Variants in ZFYVE16 observed in about 807,000 individuals in gnomAD.
The protein encoded by ZFYVE16 is zinc finger FYVE domain-containing protein 16.
A neutral mutation model predicts 138.1 loss-of-function variants in ZFYVE16; 89 were observed. That is an observed-to-expected ratio of 0.64 (90% CI 0.54 to 0.77). The LOEUF (loss-of-function observed/expected upper bound fraction) is 0.77, where lower values mean the gene tolerates loss of function less well. Among genes scored for constraint, ZFYVE16 ranks in the 30% least tolerant of loss-of-function variants. The pLI is 0.00. For synonymous variants in ZFYVE16, 596 were observed against 618.3 expected, an observed-to-expected ratio of 0.96 and a Z score of 0.53; for missense variants, 1,793 against 1,786.7, an observed-to-expected ratio of 1.00 and a Z score of -0.06.
intron 1 of ZFYVE16, among the ~76,000 whole-genome samples, chr5:80,421,970 G>A (rs1202054396): frequency 2.0e-5 from 3 of 152,174 alleles, no homozygotes; most frequent in Non-Finnish European, 2.9e-5. Flanking sequence ...CTTTTATTTT[G>A]TTAAGCAGTG....
intron 14 of ZFYVE16, among the ~76,000 whole-genome samples, chr5:80,458,926 ATTATT>A (rs1752810000): frequency 1.3e-5 from 2 of 152,170 alleles, no homozygotes; most frequent in African/African-American, 4.8e-5. Context: ...AAAACATTAA[ATTATT>A]TTATTATTTA....
chr5:80,472,693 A>C (rs1754503479), intron 15 of ZFYVE16, 68 bp from the exon 16 acceptor site: 1 of 1,447,380 alleles, frequency 6.9e-7, no homozygotes, highest in Non-Finnish European at 9.3e-7. Context: ...TTTGATAGCA[A>C]ATTTTATGGC....
At chr5:80,465,396 C>CTTTTTTTTTT (rs1187412933) in intron 15 of ZFYVE16, among the ~76,000 whole-genome samples, 40 of 26,380 alleles carry the variant, frequency 1.5e-3, no homozygotes, top group Admixed American at 3.5e-3. Context: ...TTTTCCTTTT[C>CTTTTTTTTTT]TTTGTTTTTT....
intron 7 of ZFYVE16, among the ~76,000 whole-genome samples, chr5:80,446,276 T>C (rs1378456352): frequency 6.6e-6 from 1 of 152,154 alleles, no homozygotes; most frequent in Admixed American, 6.5e-5. Flanking sequence ...ATACTCTTAT[T>C]GAGAACCCTA....
chr5:80,477,276 C>T lies in ZFYVE16; in HGVS notation c.4519C>T (p.Leu1507Phe). Residue 1507 changes from leucine (L) to phenylalanine (F), a missense_variant, in exon 19 of 19, where the codon CTT becomes TTT. Physicochemically the swap from Leu to Phe is conservative, Grantham distance 22. Around this residue, in one of 2 missense-constraint regions of ZFYVE16, gnomAD observed 498 missense variants for 582.4 expected, o/e 0.86. Transcript: ENST00000505560. ...TCTGCCTCAGCATTATCTAAATGAT[C>T]TTGATAGTGCTCTGATACCTGTGAT... ...QLLPQHYLND[L>F]DSALIPVIHG... 3 of 1,607,774 alleles carry T rather than the reference C, an allele frequency of 1.9e-6. No homozygotes were observed. The highest frequency in any genetic ancestry group is 2.5e-6 in the Non-Finnish European group (3 of 1,178,122).
At chr5:80,461,555 G>T (rs1027154916) in intron 15 of ZFYVE16, among the ~76,000 whole-genome samples, 1 of 152,170 alleles carries the variant, frequency 6.6e-6, no homozygotes, top group Non-Finnish European at 1.5e-5. Flanking sequence ...CAATTCTAGA[G>T]GCTAGAAGTC....
chr5:80,457,190 ATTG>A, intron 14 of ZFYVE16, 98 bp downstream of exon 14: 1 of 1,450,016 alleles, frequency 6.9e-7, no homozygotes, highest in South Asian at 1.4e-5. Flanking sequence ...TATTTGCTGA[ATTG>A]TTGGTGATAA....
Position 80,438,978 on chromosome 5 carries a change from C to A in ZFYVE16, c.2293C>A (p.Arg765=), listed in dbSNP as rs868492243. Residue 765 remains arginine, a synonymous_variant, in exon 4 of 19, where the codon CGG becomes AGG. Transcript: ENST00000505560. ...CCAAGTCAAATTTACTTTTACCAAA[C>A]GGCGACACCATTGCCGAGCATGTGG... ...NCQVKFTFTK[R]RHHCRACGKV... 1.9e-6 allele frequency: 3 copies of A among 1,612,122 alleles called. No individual in the cohort carries two copies. The highest frequency in any genetic ancestry group is 1.3e-5 in the African/African-American group (1 of 74,816).
At chr5:80,439,115 TAA>T in intron 4 of ZFYVE16, 108 bp downstream of exon 4, 1 of 1,191,366 alleles carries the variant, frequency 8.4e-7, no homozygotes, top group Non-Finnish European at 1.1e-6. Context: ...TGAGTTAGTT[TAA>T]AATCAGTGTT....
chr5:80,459,303 G>A (rs1752858035), intron 14 of ZFYVE16, 111 bp from the exon 15 acceptor site: 1 of 695,372 alleles, frequency 1.4e-6, no homozygotes, highest in African/African-American at 1.8e-5. Flanking sequence ...TAAGTTGTGT[G>A]GGTATAACAT....
chr5:80,434,140 C>G lies in ZFYVE16; in HGVS notation c.-8C>G. 12 of 1,610,598 alleles carry G rather than the reference C, an allele frequency of 7.5e-6. No individual in the cohort carries two copies. The highest frequency in any genetic ancestry group is 7.6e-6 in the Non-Finnish European group (9 of 1,177,804). On this transcript the variant is annotated 5_prime_UTR_variant, in exon 3 of 19. Coordinates refer to ENST00000505560, the MANE Select transcript of ZFYVE16 (RefSeq NM_001284236.3). ...AAGAATTAAATTCTGAATAAGTCTGCAGGTAGGATGGACAGTTATTTTAAA... is the reference window on the plus strand; with the variant it reads ...AAGAATTAAATTCTGAATAAGTCTGGAGGTAGGATGGACAGTTATTTTAAA...
intron 15 of ZFYVE16, among the ~76,000 whole-genome samples, chr5:80,463,853 C>T (rs761728921): frequency 1.3e-5 from 2 of 152,136 alleles, no homozygotes; most frequent in Non-Finnish European, 2.9e-5. Flanking sequence ...TTCAAAGTTC[C>T]TCAGATCTCT....
chr5:80,432,716 C>CA (rs1201258523), intron 2 of ZFYVE16, among the ~76,000 whole-genome samples: 3 of 151,992 alleles, frequency 2.0e-5, no homozygotes, highest in African/African-American at 4.8e-5. Context: ...CCAGAATCTA[C>CA]AAAAAAACTC....
chr5:80,423,189 A>C (rs987670517), intron 1 of ZFYVE16, among the ~76,000 whole-genome samples: 12 of 152,062 alleles, frequency 7.9e-5, no homozygotes, highest in African/African-American at 2.9e-4. Flanking sequence ...TTAATTATTT[A>C]TTTAATTTTT....
chr5:80,436,951 C>A lies in ZFYVE16; in HGVS notation c.266C>A (p.Thr89Asn), dbSNP rs1209038826. ...SLNEKTLKGL[T>N]SIQNEKNVTG... is the part of the protein sequence containing the mutation. ...AATGAAAAAACACTCAAGGGACTTA[C>A]TTCTATACAAAATGAAAAAAATGTA... Residue 89 changes from threonine to asparagine, a missense_variant, in exon 4 of 19, where the codon ACT becomes AAT. Thr to Asn is a moderately conservative substitution (Grantham distance 65). Transcript: ENST00000505560. 6.2e-7 allele frequency: 1 copy of A among 1,614,086 alleles called. No individual in the cohort carries two copies. Among genetic ancestry groups the A allele is most frequent in the South Asian group, 1.1e-5 (1 of 91,086 alleles).
chr5:80,459,269 G>A (rs1281151468), intron 14 of ZFYVE16, 145 bp from the exon 15 acceptor site: 1 of 551,738 alleles, frequency 1.8e-6, no homozygotes, highest in African/African-American at 2.0e-5. Context: ...TCTTTTTTTT[G>A]TCTTTTTAAT....
rs537292307 is a variant in ZFYVE16, at chr5:80,413,585, T to C, written c.-94+5432T>C. On this transcript the variant is annotated intron_variant, in intron 1 of 18. Coordinates refer to ENST00000505560, the MANE Select transcript of ZFYVE16 (RefSeq NM_001284236.3). ...TCTTTCTCAATCAGTGCTTTCTGTC[T>C]GAATCACTGAACAAGAAAAATGATT... 2.6e-4 allele frequency among the ~76,000 whole-genome samples: 39 copies of C among 152,292 alleles called. No individual in the cohort carries two copies. In the South Asian group the frequency reaches 4.4e-3, roughly 17 times the overall value.
Position 80,438,382 on chromosome 5 carries a change from T to C in ZFYVE16, c.1697T>C (p.Met566Thr), listed in dbSNP as rs143806879. Residue 566 changes from methionine (M) to threonine (T), a missense_variant, in exon 4 of 19, where the codon ATG becomes ACG. Transcript: ENST00000505560. ...AAATCGCAAATGAATCAGATAGATATGAAAGGCTTAGATGATGGAAACATC... is the reference window on the plus strand; with the variant it reads ...AAATCGCAAATGAATCAGATAGATACGAAAGGCTTAGATGATGGAAACATC... The part of the protein sequence containing the change: ...DSKSQMNQID[M>T]KGLDDGNINN... 385 of 1,613,738 alleles carry C rather than the reference T, an allele frequency of 2.4e-4. 1 individual carries two copies. In the East Asian group the frequency reaches 7.8e-3, roughly 33 times the overall value.
At chr5:80,457,758 T>G (rs766627009) in intron 14 of ZFYVE16, among the ~76,000 whole-genome samples, 4 of 152,118 alleles carry the variant, frequency 2.6e-5, no homozygotes. Context: ...CCAGGCACAG[T>G]GGCTCACGCC....
Sources: gnomAD v4.1 joint callset for allele counts (sites outside exome capture counted in the v4.1 genomes callset) on GRCh38, gnomAD v4.1.1 for gene constraint, gnomAD v4.1.1 regional missense constraint, MANE v1.5 for transcripts, NCBI Gene and HGNC (gene_info 2026-07-23, HGNC 2026-07-21) for gene names.